The following OR10R2 variants were observed in gnomAD, a reference collection of about 807,000 sequenced individuals.
OR10R2 encodes olfactory receptor family 10 subfamily R member 2, also known as olfactory receptor 10R2.
OR10R2 carries 1 observed loss-of-function variant against 2.4 expected under a neutral mutation model. That is an observed-to-expected ratio of 0.41 (90% confidence interval 0.15 to 1.95). OR10R2 has a LOEUF of 1.95. Among genes scored for constraint, OR10R2 ranks in the 30% most tolerant of loss-of-function variants. OR10R2 has a pLI of 0.30. For missense variants in OR10R2, 419 were observed against 373.0 expected, an observed-to-expected ratio of 1.12 and a Z score of -1.01; for synonymous variants, 166 against 144.8, an observed-to-expected ratio of 1.15 and a Z score of -1.05.
At chr1:158,476,095 T>C (rs146104154) in intron 1 of OR10R2, among the ~76,000 whole-genome samples, 1,993 of 152,258 alleles carry the variant, frequency 0.013, 36 homozygotes, top group African/African-American at 0.045. Context: ...ACTTATTTTA[T>C]TTTACATTAT....
At chr1:158,478,326 C>A (rs1432267810) in intron 1 of OR10R2, among the ~76,000 whole-genome samples, 3 of 152,100 alleles carry the variant, frequency 2.0e-5, no homozygotes, top group Non-Finnish European at 4.4e-5. Context: ...TAAACTAGAG[C>A]TTTTGCACAG....
chr1:158,472,428 G>A (rs950032729), intron 1 of OR10R2, 76 bp downstream of exon 1: 4 of 398,694 alleles, frequency 1.0e-5, no homozygotes, highest in Non-Finnish European at 4.4e-6. Flanking sequence ...GAATATGCTA[G>A]TTTTGGGGAA....
exon 2 of OR10R2, chr1:158,480,416 T>C: frequency 1.2e-6 from 2 of 1,614,102 alleles, no homozygotes; most frequent in Non-Finnish European, 1.7e-6. Context: ...CTTACAGTAG[T>C]AAATTTAGTT....
At chr1:158,480,333 C>T (rs151013260) in exon 2 of OR10R2, 13 of 1,613,968 alleles carry the variant, frequency 8.1e-6, no homozygotes, top group African/African-American at 1.3e-5. Context: ...CTCTGCATTA[C>T]CCCACTCTTA....
exon 2 of OR10R2, chr1:158,480,393 C>T (rs763935434): frequency 1.2e-6 from 2 of 1,614,120 alleles, no homozygotes; most frequent in Non-Finnish European, 1.7e-6. Flanking sequence ...CAATTGGTGG[C>T]TTCTTGGCCT....
At chr1:158,475,456 T>C (rs1656252686) in intron 1 of OR10R2, among the ~76,000 whole-genome samples, 1 of 152,030 alleles carries the variant, frequency 6.6e-6, no homozygotes, top group Admixed American at 6.6e-5. Context: ...GTGTAAATAA[T>C]ATCTCTACTT....
At chr1:158,478,130 C>T (rs1264648534) in intron 1 of OR10R2, among the ~76,000 whole-genome samples, 1 of 152,098 alleles carries the variant, frequency 6.6e-6, no homozygotes, top group Non-Finnish European at 1.5e-5. Flanking sequence ...TGGACCCTCA[C>T]TTTTCACCAT....
intron 1 of OR10R2, among the ~76,000 whole-genome samples, chr1:158,478,812 A>T (rs1161885541): frequency 6.6e-6 from 1 of 152,162 alleles, no homozygotes; most frequent in Non-Finnish European, 1.5e-5. Flanking sequence ...ATTAGTCATA[A>T]TCTGTTTGCT....
Position 158,479,918 on chromosome 1 carries a change from A to G in OR10R2, c.28-20A>G, listed in dbSNP as rs1432146570. 2.5e-6 allele frequency: 4 copies of G among 1,613,190 alleles called. No homozygotes were observed. Among genetic ancestry groups the G allele is most frequent in the African/African-American group, 1.3e-5 (1 of 74,868 alleles). ...ATATTCACATACCTGAATATGTTTT[A>G]CTTCTTTCCCCCTTTGCAGATCTTG... On this transcript the variant is annotated intron_variant, in intron 1 of 1. Coordinates refer to ENST00000641067, the Ensembl canonical transcript of OR10R2.
At chr1:158,474,386 T>C (rs977744549) in intron 1 of OR10R2, 2 of 152,198 alleles carry the variant, frequency 1.3e-5, no homozygotes, top group Non-Finnish European at 2.9e-5. Flanking sequence ...GCTTCCTACT[T>C]TGAATAAATT....
rs775943308 is a variant in OR10R2 at position 158,480,091 on chromosome 1, G to A, written c.181G>A (p.Asp61Asn). ...CACCATTATCAGTGTCATCCACCTG[G>A]ATAAAAGCCTCCACACACCAATGTA... Residue 61 changes from aspartate to asparagine, a missense_variant, in exon 2 of 2, where the codon GAT becomes AAT. By Grantham distance (23) the Asp-to-Asn change is conservative (BLOSUM62 1). Transcript: ENST00000641067. The A allele has an allele frequency of 3.7e-6, 6 of 1,613,682 alleles. No individual in the cohort carries two copies. The South Asian group carries it at 6.6e-5, about 18-fold the overall frequency.
At chr1:158,480,574 T>C in exon 2 of OR10R2, 1 of 1,613,320 alleles carries the variant, frequency 6.2e-7, no homozygotes, top group Non-Finnish European at 8.5e-7. Flanking sequence ...TCCCTTTCTG[T>C]TTATCTGTGT....
At chr1:158,475,988 T>C (rs1656260917) in intron 1 of OR10R2, among the ~76,000 whole-genome samples, 2 of 152,138 alleles carry the variant, frequency 1.3e-5, no homozygotes, top group African/African-American at 4.8e-5. Flanking sequence ...CATTAAATTT[T>C]TGTTTAGGTA....
intron 1 of OR10R2, among the ~76,000 whole-genome samples, chr1:158,478,461 T>G (rs1378984422): frequency 1.3e-5 from 2 of 152,202 alleles, no homozygotes; most frequent in Non-Finnish European, 2.9e-5. Context: ...GGATTCTACC[T>G]GACTAAAAAG....
intron 1 of OR10R2, 103 bp from the exon 2 acceptor site, chr1:158,479,835 C>A: frequency 8.1e-7 from 1 of 1,241,122 alleles, no homozygotes; most frequent in Non-Finnish European, 1.1e-6. Context: ...GAATAAAAGG[C>A]AAGATTCTTC....
At chr1:158,480,321 C>G (rs1271495839) in exon 2 of OR10R2, 5 of 1,614,124 alleles carry the variant, frequency 3.1e-6, no homozygotes, top group Non-Finnish European at 4.2e-6. Flanking sequence ...CCATTTGTCA[C>G]CCTCTGCATT....
In OR10R2 at chr1:158,475,208, A is replaced by G. The variant is rs191325082; in HGVS notation, c.27+2856A>G. Among the ~76,000 whole-genome samples the G allele has an allele frequency of 3.4e-3, 513 of 152,260 alleles. 4 individuals are homozygous for G. The highest frequency in any genetic ancestry group is 0.01 in the Middle Eastern group (3 of 292). ...ACACAATAATCCTGCCTTTCTTAAA[A>G]CAAGTACTATTAGTTTGTGTTACAA... On this transcript the variant is annotated intron_variant, in intron 1 of 1. Transcript: ENST00000641067.
At chr1:158,480,804 T>G (rs377002028) in exon 2 of OR10R2, 78 of 1,611,510 alleles carry the variant, frequency 4.8e-5, no homozygotes, top group Non-Finnish European at 5.6e-5. Flanking sequence ...ACCCCATGGT[T>G]TATAGCCTCA....
At chr1:158,479,978 T>C in exon 2 of OR10R2, 1 of 1,613,994 alleles carries the variant, frequency 6.2e-7, no homozygotes, top group East Asian at 2.2e-5. Flanking sequence ...GAATTCCTGT[T>C]GCTGGGTTTT....
Sources: allele counts gnomAD v4.1 joint callset (sites outside exome capture counted in the v4.1 genomes callset), GRCh38; gene constraint gnomAD v4.1.1; transcripts MANE v1.5; gene names NCBI Gene and HGNC (gene_info 2026-07-23, HGNC 2026-07-21).